The following TRIM55 variants were observed in gnomAD, a reference collection of about 807,000 sequenced individuals.
The protein encoded by TRIM55 is tripartite motif containing 55.
Under a neutral mutation model 60.9 loss-of-function variants are expected in TRIM55, and 50 were observed. The observed-to-expected ratio is 0.82, with a 90% CI of 0.65 to 1.04. TRIM55 has a LOEUF of 1.04. Ranked by LOEUF, TRIM55 falls within the 50% of genes least tolerant of loss-of-function variation. The probability of loss-of-function intolerance (pLI) is 0.00; values close to 1 mark genes in which losing one functional copy is unlikely to be tolerated. For synonymous variants in TRIM55, 237 were observed against 238.1 expected (o/e 1.00, Z 0.04); for missense variants, 681 against 666.9 (o/e 1.02, Z -0.23).
At chr8:66,120,501 CCAGGGAGGCAAGGAGA>C in the TRIM55 span, among the ~76,000 whole-genome samples, 3 of 152,106 alleles carry the variant, frequency 2.0e-5, no homozygotes, top group Non-Finnish European at 4.4e-5. Context: ...AGCCCAACCT[CCAGGGAGGCAAGGAGA>C]AGCTGAAGAT....
chr8:66,127,970 A>AT lies in TRIM55; in HGVS notation c.169-325dup, dbSNP rs199801101. Among the ~76,000 whole-genome samples, 42 of 151,822 alleles carry AT rather than the reference A, an allele frequency of 2.8e-4. 1 individual carries two copies. The highest frequency in any genetic ancestry group is 9.4e-4 in the African/African-American group (39 of 41,430). ...GTTTTATTTTAATACTAAGAATCAT[A>AT]TTTTTTTTTAAGTCAAACCATTTAA... On this transcript the variant is annotated intron_variant, in intron 1 of 9. Transcript: ENST00000315962.
chr8:66,172,689 G>A (rs1811709605), intron 9 of TRIM55, among the ~76,000 whole-genome samples: 1 of 152,190 alleles, frequency 6.6e-6, no homozygotes, highest in African/African-American at 2.4e-5. Flanking sequence ...TTTCCCAAAG[G>A]TTCTGCCTTC....
intron 4 of TRIM55, among the ~76,000 whole-genome samples, chr8:66,138,189 C>T (rs1305500642): frequency 1.3e-5 from 2 of 152,122 alleles, no homozygotes; most frequent in Non-Finnish European, 2.9e-5. Context: ...CTCTTGTTAT[C>T]TATTTATTTC....
intron 4 of TRIM55, among the ~76,000 whole-genome samples, chr8:66,148,184 C>T (rs1810209701): frequency 6.6e-6 from 1 of 152,080 alleles, no homozygotes; most frequent in African/African-American, 2.4e-5. Context: ...CCAAGCTTAC[C>T]AGGGATTGAA....
chr8:66,127,234 C>CCTTCCCTGGCAGCACA lies in TRIM55; in HGVS notation c.-31_-16dup, dbSNP rs751077855. On this transcript the variant is annotated 5_prime_UTR_variant, in exon 1 of 10. Coordinates refer to ENST00000315962, the MANE Select transcript of TRIM55 (RefSeq NM_184085.2). ...CACTTGCTGGAGCCACTCGCAGCAC[C>CCTTCCCTGGCAGCACA]CTTCCCTGGCAGCACACTTGGGGAC... The CCTTCCCTGGCAGCACA allele has an allele frequency of 3.5e-5, 56 of 1,597,518 alleles. No homozygotes were observed. The East Asian group carries it at 6.3e-4, about 18-fold the overall frequency.
At chr8:66,167,178 T>C (rs890608149) in intron 9 of TRIM55, among the ~76,000 whole-genome samples, 1 of 152,330 alleles carries the variant, frequency 6.6e-6, no homozygotes, top group South Asian at 2.1e-4. Flanking sequence ...CTTGGCACTT[T>C]ATCCTAGAGT....
intron 7 of TRIM55, among the ~76,000 whole-genome samples, chr8:66,151,888 A>G (rs1476635327): frequency 6.8e-6 from 1 of 147,480 alleles, no homozygotes. Context: ...AAATAAATAA[A>G]TAAATAAAAG....
At chr8:66,135,371 G>A (rs1243932230) in intron 3 of TRIM55, among the ~76,000 whole-genome samples, 2 of 152,302 alleles carry the variant, frequency 1.3e-5, no homozygotes, top group South Asian at 2.1e-4. Context: ...GGGACCAGGC[G>A]AGACAGGGCA....
At chr8:66,158,155 AC>A (rs1810853032) in intron 9 of TRIM55, among the ~76,000 whole-genome samples, 1 of 113,450 alleles carries the variant, frequency 8.8e-6, no homozygotes, top group African/African-American at 4.1e-5. Context: ...ACACACACAC[AC>A]ACACACACAC....
intron 4 of TRIM55, among the ~76,000 whole-genome samples, chr8:66,144,999 C>T (rs942163092): frequency 6.6e-6 from 1 of 152,232 alleles, no homozygotes; most frequent in Middle Eastern, 3.2e-3. Context: ...TCAGAGTCAT[C>T]ACTGTCAGTA....
At chr8:66,117,892 C>T in the TRIM55 span, among the ~76,000 whole-genome samples, 483 of 151,980 alleles carry the variant, frequency 3.2e-3, 2 homozygotes, top group African/African-American at 0.011. Flanking sequence ...GGAGGCCGGG[C>T]ACGGTGGCTC....
chr8:66,173,163 A>T (rs748798145), intron 9 of TRIM55, among the ~76,000 whole-genome samples: 9 of 152,300 alleles, frequency 5.9e-5, no homozygotes, highest in South Asian at 2.1e-4. Context: ...ATTTCGCTTG[A>T]TGTTTCCACT....
At position 66,127,146 on chromosome 8, in the gene TRIM55, C is replaced by G; in HGVS notation, c.-123C>G. On this transcript the variant is annotated 5_prime_UTR_variant, in exon 1 of 10. Transcript: ENST00000315962. ...TCCAAACCAGGGCCTGAAACAATGT[C>G]CTCCACCGAGAGAAACGTAAAGGAC... 9.1e-7 allele frequency: 1 copy of G among 1,096,556 alleles called. No individual in the cohort carries two copies. The highest frequency in any genetic ancestry group is 1.3e-6 in the Non-Finnish European group (1 of 780,282). The allele number at this position is 1,096,556 out of a possible 1,614,324, so 67.9% of individuals were successfully genotyped here.
chr8:66,156,157 A>C (rs928090537), intron 9 of TRIM55, among the ~76,000 whole-genome samples: 18 of 152,218 alleles, frequency 1.2e-4, no homozygotes, highest in Non-Finnish European at 8.8e-5. Flanking sequence ...AGAGATGCCC[A>C]GGAGGTGGCC....
intron 9 of TRIM55, among the ~76,000 whole-genome samples, chr8:66,168,982 G>C (rs1811470755): frequency 6.6e-6 from 1 of 152,212 alleles, no homozygotes; most frequent in Non-Finnish European, 1.5e-5. Context: ...AGACAGGTAA[G>C]CGTTAGTGGA....
intron 1 of TRIM55, among the ~76,000 whole-genome samples, chr8:66,127,769 A>G (rs1299472713): frequency 1.3e-5 from 2 of 152,182 alleles, no homozygotes; most frequent in East Asian, 3.9e-4. Context: ...CAGGAGGCGG[A>G]CATTGCAGCG....
chr8:66,144,508 C>A (rs1809999273), intron 4 of TRIM55, among the ~76,000 whole-genome samples: 1 of 152,212 alleles, frequency 6.6e-6, no homozygotes, highest in South Asian at 2.1e-4. Context: ...ACCCGGAGAC[C>A]AATACCTACT....
chr8:66,123,763 TGG>T (rs1235619164), upstream of TRIM55, among the ~76,000 whole-genome samples: 1 of 151,968 alleles, frequency 6.6e-6, no homozygotes, highest in Non-Finnish European at 1.5e-5. Flanking sequence ...GAGGCTGAGG[TGG>T]GGGGATTGCT....
intron 4 of TRIM55, among the ~76,000 whole-genome samples, chr8:66,145,728 T>C (rs1810063354): frequency 6.6e-6 from 1 of 152,172 alleles, no homozygotes; most frequent in South Asian, 2.1e-4. Context: ...TGGCGCGATC[T>C]TGGCACACTG....
Sources: allele counts gnomAD v4.1 joint callset (sites outside exome capture counted in the v4.1 genomes callset), GRCh38; gene constraint gnomAD v4.1.1; transcripts MANE v1.5; gene names NCBI Gene and HGNC (gene_info 2026-07-23, HGNC 2026-07-21).